Variants in ANKRD42 observed in about 807,000 individuals in gnomAD.
The protein encoded by ANKRD42 is ankyrin repeat domain 42, also known as ankyrin repeat domain-containing protein 42.
Under a neutral mutation model 51.5 loss-of-function variants are expected in ANKRD42, and 43 were observed. That is an observed-to-expected ratio of 0.83 (90% CI 0.65 to 1.08). The LOEUF is 1.08. Ranked by LOEUF, ANKRD42 falls within the 50% of genes least tolerant of loss-of-function variation. The pLI, the probability that ANKRD42 is intolerant of heterozygous loss-of-function variation, is 0.00. For missense variants in ANKRD42, 608 were observed against 629.3 expected (o/e 0.97, Z 0.36); for synonymous variants, 203 against 213.0 (o/e 0.95, Z 0.41).
intron 1 of ANKRD42, among the ~76,000 whole-genome samples, chr11:83,195,846 T>TC (rs1491199345): frequency 9.0e-5 from 12 of 132,936 alleles, no homozygotes; most frequent in East Asian, 2.1e-4. Context: ...TCTCTCTCTC[T>TC]TTTTTTTTTT....
chr11:83,198,161 G>A (rs1861732064), intron 1 of ANKRD42, among the ~76,000 whole-genome samples: 1 of 152,180 alleles, frequency 6.6e-6, no homozygotes, highest in African/African-American at 2.4e-5. Flanking sequence ...CTCCAGGACT[G>A]TATTTTTCTG....
At chr11:83,210,968 ACT>A (rs151070666) in intron 4 of ANKRD42, among the ~76,000 whole-genome samples, 230 of 152,196 alleles carry the variant, frequency 1.5e-3, no homozygotes, top group African/African-American at 5.1e-3. Context: ...TTTTTTATTA[ACT>A]CTGTTTATAT....
intron 7 of ANKRD42, among the ~76,000 whole-genome samples, chr11:83,228,566 A>G (rs1039300969): frequency 6.6e-6 from 1 of 152,196 alleles, no homozygotes; most frequent in African/African-American, 2.4e-5. Flanking sequence ...TTAGATTAAA[A>G]TGATAGTAGG....
Position 83,225,014 on chromosome 11 carries a change from AGGGG to A in ANKRD42, c.748_751del (p.Gly250LeufsTer8), listed in dbSNP as rs745763548. Reference sequence around the variant, plus strand: ...AAGCAGAACATTTTACAGTTTATCCAGGGGGCTGAGTATGAAGGAAAAGACCTAG... The same window carrying A: ...AAGCAGAACATTTTACAGTTTATCCAGCTGAGTATGAAGGAAAAGACCTAG... On this transcript the variant is annotated frameshift_variant, in exon 6 of 11. Transcript: ENST00000533342. LOFTEE classifies it high-confidence loss of function. 6.2e-7 allele frequency: 1 copy of A among 1,613,078 alleles called. No homozygotes were observed. Among genetic ancestry groups the A allele is most frequent in the East Asian group, 2.2e-5 (1 of 44,836 alleles).
chr11:83,257,261 T>C (rs779698435), downstream of ANKRD42: 35 of 454,606 alleles, frequency 7.7e-5, no homozygotes, highest in African/African-American at 6.8e-4. Context: ...GTCTGGGGTA[T>C]GGTGAGAGGG....
At chr11:83,198,968 C>T (rs1479686101) in intron 2 of ANKRD42, among the ~76,000 whole-genome samples, 1 of 152,152 alleles carries the variant, frequency 6.6e-6, no homozygotes, top group Non-Finnish European at 1.5e-5. Context: ...AAGGCTTATT[C>T]ACTCAAGATG....
chr11:83,225,114 T>A (rs1361273207), intron 6 of ANKRD42, 59 bp downstream of exon 6: 8 of 1,440,478 alleles, frequency 5.6e-6, no homozygotes, highest in Non-Finnish European at 7.6e-6. Flanking sequence ...GATGATAATA[T>A]AATGAGTAGA....
intron 5 of ANKRD42, among the ~76,000 whole-genome samples, chr11:83,219,345 G>A (rs528630563): frequency 7.2e-5 from 11 of 152,322 alleles, no homozygotes; most frequent in South Asian, 2.1e-4. Context: ...CTGCCAATGC[G>A]TCTTACCTAT....
chr11:83,211,246 T>A, intron 4 of ANKRD42, 49 bp from the exon 5 acceptor site: 1 of 1,608,632 alleles, frequency 6.2e-7, no homozygotes, highest in Non-Finnish European at 8.5e-7. Flanking sequence ...GCTTAGTATT[T>A]CCCCTACAAA....
intron 5 of ANKRD42, chr11:83,214,388 A>G: frequency 1.0e-6 from 1 of 976,072 alleles, no homozygotes; most frequent in Non-Finnish European, 1.2e-6. Flanking sequence ...GGTCAGTTTT[A>G]TTTTTGTATT....
intron 2 of ANKRD42, among the ~76,000 whole-genome samples, chr11:83,201,042 T>C (rs1460220568): frequency 6.6e-6 from 1 of 152,168 alleles, no homozygotes; most frequent in Non-Finnish European, 1.5e-5. Flanking sequence ...GCAGTTTTGT[T>C]ACATAGGTAT....
At chr11:83,232,089 T>C (rs183183232) in intron 7 of ANKRD42, among the ~76,000 whole-genome samples, 1 of 138,830 alleles carries the variant, frequency 7.2e-6, no homozygotes, top group Non-Finnish European at 1.5e-5. Flanking sequence ...TGTGGTTCCA[T>C]ATAAATTTTA....
rs1239251514 is a variant in ANKRD42 at position 83,245,416 on chromosome 11, A to T, written c.1196-82A>T. ...ATACAGACACTAGTCTAGAGGAAGA[A>T]TATGCTCAAGAATACCAGCACCCAG... On this transcript the variant is annotated intron_variant, in intron 9 of 10. Transcript: ENST00000533342. 87 of 1,419,728 alleles carry T rather than the reference A, an allele frequency of 6.1e-5. 1 individual carries two copies. Among genetic ancestry groups the T allele is most frequent in the Non-Finnish European group, 2.0e-5 (21 of 1,062,236 alleles). The allele number at this position is 1,419,728 out of a possible 1,614,324, so 87.9% of individuals were successfully genotyped here.
At chr11:83,222,565 T>C (rs532258) in intron 5 of ANKRD42, among the ~76,000 whole-genome samples, 108,919 of 152,078 alleles carry the variant, frequency 0.72, 39,833 homozygotes, top group African/African-American at 0.85. Flanking sequence ...TGGATAAACA[T>C]CTGAAGGAGC....
chr11:83,210,605 C>T (rs934588365), intron 4 of ANKRD42, among the ~76,000 whole-genome samples, 186 bp downstream of exon 4: 19 of 152,140 alleles, frequency 1.2e-4, no homozygotes, highest in African/African-American at 4.6e-4. Context: ...TCTTCTCTTC[C>T]CCCCCAAAAA....
In ANKRD42 at chr11:83,194,589, C is replaced by T. The variant is rs1861552479; in HGVS notation, c.-82C>T. ...AAGAGGGCCGCTGCCGCTGCAGTGG[C>T]TCGTGGGTGAGAGCAAGTGAAGACC... On this transcript the variant is annotated 5_prime_UTR_variant, in exon 1 of 11. Transcript: ENST00000533342. The T allele has an allele frequency of 1.4e-6, 2 of 1,405,162 alleles. No individual in the cohort carries two copies. The highest frequency in any genetic ancestry group is 2.0e-6 in the Non-Finnish European group (2 of 1,004,098). The allele number at this position is 1,405,162 out of a possible 1,614,324, so 87.0% of individuals were successfully genotyped here.
downstream of ANKRD42, among the ~76,000 whole-genome samples, chr11:83,256,877 C>T (rs1234963563): frequency 6.6e-6 from 1 of 152,056 alleles, no homozygotes. Context: ...TTAATCCCAG[C>T]TCTGCATTGT....
chr11:83,197,028 A>G (rs1344978119), intron 1 of ANKRD42, among the ~76,000 whole-genome samples: 4 of 152,150 alleles, frequency 2.6e-5, no homozygotes, highest in African/African-American at 9.7e-5. Flanking sequence ...TGCTAGTTTA[A>G]AGAAGAATGA....
At chr11:83,236,828 G>T (rs536702028) in intron 8 of ANKRD42, among the ~76,000 whole-genome samples, 1 of 152,344 alleles carries the variant, frequency 6.6e-6, no homozygotes, top group South Asian at 2.1e-4. Context: ...ATGTTCTGCA[G>T]TGCTCAGAAC....
Sources: gnomAD v4.1 joint callset for allele counts (sites outside exome capture counted in the v4.1 genomes callset) on GRCh38, gnomAD v4.1.1 for gene constraint, MANE v1.5 for transcripts, NCBI Gene and HGNC (gene_info 2026-07-23, HGNC 2026-07-21) for gene names.